The following EPHB2 variants were observed in gnomAD, a reference collection of about 807,000 sequenced individuals.
EPHB2 encodes the protein EPH receptor B2.
Under a neutral mutation model 96.4 loss-of-function variants are expected in EPHB2, and 18 were observed. That is an observed-to-expected ratio of 0.19 (90% CI 0.13 to 0.28). EPHB2 has a LOEUF of 0.28. EPHB2 is among the 10% of genes least tolerant of loss of function. The pLI, the probability that EPHB2 is intolerant of heterozygous loss-of-function variation, is 1.00. For synonymous variants in EPHB2, 506 were observed against 534.1 expected, an observed-to-expected ratio of 0.95 and a Z score of 0.72; for missense variants, 989 against 1,355.4, an observed-to-expected ratio of 0.73 and a Z score of 4.25.
At chr1:22,819,632 A>G (rs1029293969) in intron 3 of EPHB2, among the ~76,000 whole-genome samples, 4 of 152,118 alleles carry the variant, frequency 2.6e-5, no homozygotes, top group African/African-American at 9.7e-5. Flanking sequence ...TCAGCCTGAC[A>G]GATCTTGACA....
chr1:22,864,176 A>G (rs1022086690), intron 4 of EPHB2, among the ~76,000 whole-genome samples: 14 of 151,702 alleles, frequency 9.2e-5, no homozygotes, highest in Admixed American at 3.9e-4. Context: ...CTCCCGAGTA[A>G]CTGGGATTAC....
intron 1 of EPHB2, among the ~76,000 whole-genome samples, chr1:22,730,070 C>T (rs2148350320): frequency 6.6e-6 from 1 of 152,336 alleles, no homozygotes; most frequent in South Asian, 2.1e-4. Context: ...GGCCAGGCCC[C>T]AGGGTGGGGG....
chr1:22,807,092 A>G (rs1179377438), intron 3 of EPHB2, among the ~76,000 whole-genome samples: 1 of 152,178 alleles, frequency 6.6e-6, no homozygotes, highest in African/African-American at 2.4e-5. Context: ...GCTTCGAGGA[A>G]CAGCCACTTG....
chr1:22,751,471 A>G (rs1218282253), intron 1 of EPHB2, among the ~76,000 whole-genome samples: 3 of 152,238 alleles, frequency 2.0e-5, no homozygotes, highest in Non-Finnish European at 4.4e-5. Context: ...CTGAGCTGAC[A>G]TCTGTTGTAT....
At chr1:22,826,320 C>T (rs1397796334) in intron 3 of EPHB2, among the ~76,000 whole-genome samples, 1 of 152,212 alleles carries the variant, frequency 6.6e-6, no homozygotes, top group South Asian at 2.1e-4. Context: ...CTTGTAGTAC[C>T]AGTTCCCAGA....
intron 3 of EPHB2, among the ~76,000 whole-genome samples, chr1:22,799,069 A>T (rs576735338): frequency 1.3e-5 from 2 of 152,244 alleles, no homozygotes; most frequent in South Asian, 4.1e-4. Context: ...GGGTGCATTG[A>T]TTGAATAGTG....
intron 3 of EPHB2, among the ~76,000 whole-genome samples, chr1:22,843,692 C>T (rs531466443): frequency 1.2e-4 from 18 of 152,262 alleles, no homozygotes; most frequent in Non-Finnish European, 2.1e-4. Context: ...AGCCACCTGC[C>T]GCTATGCCTG....
At chr1:22,894,164 G>A (rs1639479724) in intron 7 of EPHB2, among the ~76,000 whole-genome samples, 2 of 152,124 alleles carry the variant, frequency 1.3e-5, no homozygotes, top group Admixed American at 1.3e-4. Context: ...CTGGGAACTA[G>A]GAGACTGTCC....
In EPHB2 at chr1:22,800,437, A is replaced by G. The variant is rs576541601; in HGVS notation, c.811+15361A>G. 152 of 152,098 alleles carry G rather than the reference A, an allele frequency of 1.0e-3. 1 individual carries two copies. Among genetic ancestry groups the G allele is most frequent in the African/African-American group, 3.5e-3 (147 of 41,486 alleles). 9.4% of individuals were successfully genotyped at this position (152,098 alleles called of 1,614,324 possible). On this transcript the variant is annotated intron_variant, in intron 3 of 15. Transcript: ENST00000374630. Reference sequence around the variant, plus strand: ...AGCATATGTGTGCAGGGAGGAGCACACTCATGAGTGTGCTGGATCAAAGCA... The same window carrying G: ...AGCATATGTGTGCAGGGAGGAGCACGCTCATGAGTGTGCTGGATCAAAGCA...
At chr1:22,828,326 T>G (rs762517586) in intron 3 of EPHB2, among the ~76,000 whole-genome samples, 5 of 152,116 alleles carry the variant, frequency 3.3e-5, no homozygotes, top group African/African-American at 4.8e-5. Flanking sequence ...CACTGGTCCA[T>G]GACTCACCCA....
At chr1:22,907,276 C>T (rs1247772449) in intron 11 of EPHB2, among the ~76,000 whole-genome samples, 2 of 152,186 alleles carry the variant, frequency 1.3e-5, no homozygotes, top group Non-Finnish European at 2.9e-5. Context: ...TCATTATGCA[C>T]AGGAGAAAAC....
At chr1:22,751,573 G>A (rs147803758) in intron 1 of EPHB2, among the ~76,000 whole-genome samples, 7 of 152,328 alleles carry the variant, frequency 4.6e-5, no homozygotes, top group East Asian at 1.9e-4. Context: ...CTACCTTTAC[G>A]CCTTTCCAGA....
chr1:22,715,639 G>C (rs1001065896), intron 1 of EPHB2, among the ~76,000 whole-genome samples: 1 of 152,238 alleles, frequency 6.6e-6, no homozygotes. Flanking sequence ...GAATCAGAAA[G>C]CCAGTTGACT....
intron 3 of EPHB2, among the ~76,000 whole-genome samples, chr1:22,857,566 A>G (rs1645719353): frequency 6.6e-6 from 1 of 151,946 alleles, no homozygotes; most frequent in African/African-American, 2.4e-5. Context: ...AGACTAAGGG[A>G]GTTTCTGGGA....
rs560534527 is a variant in EPHB2 at position 22,918,125 on chromosome 1, C to A, written c.*4555C>A. ...GCACCAGTTCAGCCATCAGATGGGG[C>A]AGGATGCCTCCCAGCTACTCCTCTC... On this transcript the variant is annotated 3_prime_UTR_variant, in exon 16 of 16. Transcript: ENST00000374630. This position sits in a 1 kb window ranked among gnomAD's most constrained non-coding sequence, Gnocchi z 4.2. The A allele has an allele frequency of 6.6e-6, 1 of 152,350 alleles. No homozygotes were observed. The highest frequency in any genetic ancestry group is 2.1e-4 in the South Asian group (1 of 4,810). The allele number at this position is 152,350 out of a possible 1,614,324, so 9.4% of individuals were successfully genotyped here. A position where few individuals can be genotyped will look rare whatever the true frequency, so the allele number is the denominator to read the frequency against.
intron 1 of EPHB2, among the ~76,000 whole-genome samples, chr1:22,752,828 GGCTGGAGT>G (rs1219169927): frequency 6.6e-6 from 1 of 152,054 alleles, no homozygotes; most frequent in Non-Finnish European, 1.5e-5. Context: ...CTGTCGCCCC[GGCTGGAGT>G]GCAGTGGTAT....
chr1:22,776,469 G>A (rs1432904479), intron 1 of EPHB2, among the ~76,000 whole-genome samples: 1 of 152,226 alleles, frequency 6.6e-6, no homozygotes, highest in Non-Finnish European at 1.5e-5. Context: ...AGCTTCCCCT[G>A]CAGGAGAGAT....
chr1:22,774,643 A>G lies in EPHB2; in HGVS notation c.62-6778A>G, dbSNP rs555199031. On this transcript the variant is annotated intron_variant, in intron 1 of 15. Coordinates refer to ENST00000374630, the MANE Select transcript of EPHB2 (RefSeq NM_017449.5). ...CACGGAAGACGGTGGCTGGAAGGTA[A>G]TTAGCTGGCCTGCTTGGCAGGGGCC... The G allele has an allele frequency of 3.0e-6, 3 of 985,104 alleles. No individual in the cohort carries two copies. The East Asian group carries it at 3.4e-4, about 112-fold the overall frequency. The allele number at this position is 985,104 out of a possible 1,614,324, so 61.0% of individuals were successfully genotyped here.
chr1:22,869,749 T>C (rs560135971), intron 5 of EPHB2, among the ~76,000 whole-genome samples: 2 of 152,362 alleles, frequency 1.3e-5, no homozygotes, highest in South Asian at 2.1e-4. Context: ...CCTTCAGGCC[T>C]CAGCTCATTT....
Sources: allele counts gnomAD v4.1 joint callset (sites outside exome capture counted in the v4.1 genomes callset), GRCh38; gene constraint gnomAD v4.1.1; non-coding constraint Gnocchi (gnomAD v3.1); transcripts MANE v1.5; gene names NCBI Gene and HGNC (gene_info 2026-07-23, HGNC 2026-07-21).